The following INTS10 variants were observed in gnomAD, a reference collection of about 807,000 sequenced individuals.
The protein encoded by INTS10 is integrator complex subunit 10.
Under a neutral mutation model 94.4 loss-of-function variants are expected in INTS10, and 44 were observed. That is an observed-to-expected ratio of 0.47 (90% CI 0.37 to 0.60). INTS10 has a LOEUF of 0.60. INTS10 is among the 20% of genes least tolerant of loss of function. The pLI, the probability that INTS10 is intolerant of heterozygous loss-of-function variation, is 0.00. For synonymous variants in INTS10, 341 were observed against 320.7 expected (o/e 1.06, Z -0.68); for missense variants, 797 against 868.7 (o/e 0.92, Z 1.04).
chr8:19,845,602 G>C (rs923777031), intron 15 of INTS10, 102 bp from the exon 16 acceptor site: 6 of 764,866 alleles, frequency 7.8e-6, no homozygotes, highest in Non-Finnish European at 1.4e-5. Context: ...TTTTTTAGTG[G>C]GATGGCAATG....
At chr8:19,834,415 A>G (rs55896328) in intron 12 of INTS10, among the ~76,000 whole-genome samples, 11,586 of 152,286 alleles carry the variant, frequency 0.076, 457 homozygotes, top group South Asian at 0.11. Context: ...ACCATTATTT[A>G]TATAATTATC....
chr8:19,850,680 G>A (rs141469563), intron 16 of INTS10, among the ~76,000 whole-genome samples: 1 of 152,238 alleles, frequency 6.6e-6, no homozygotes, highest in African/African-American at 2.4e-5. Context: ...AGGCATCAGG[G>A]TGGGAAACAG....
At chr8:19,819,938 A>G (rs1319107685) in intron 3 of INTS10, among the ~76,000 whole-genome samples, 7 of 152,222 alleles carry the variant, frequency 4.6e-5, no homozygotes, top group Admixed American at 2.0e-4. Context: ...GATAGCAGCT[A>G]TAGATTAACC....
intron 16 of INTS10, among the ~76,000 whole-genome samples, chr8:19,850,981 G>A (rs2068982674): frequency 1.3e-5 from 2 of 152,130 alleles, no homozygotes; most frequent in Non-Finnish European, 2.9e-5. Context: ...CTGCCCCTCA[G>A]AGATTCTGCC....
chr8:19,820,231 A>C, intron 3 of INTS10, 148 bp from the exon 4 acceptor site: 1 of 619,442 alleles, frequency 1.6e-6, no homozygotes, highest in East Asian at 3.0e-5. Context: ...TGGCTCCAAA[A>C]GGCTGCCAGG....
chr8:19,817,490 C>G lies in INTS10; in HGVS notation c.-48C>G. ...TGCCGTGGCGGCTGAGAGTCCAGAGCCGGACGTTCCGGCCGCTTCGGGCTG... is the reference window on the plus strand; with the variant it reads ...TGCCGTGGCGGCTGAGAGTCCAGAGGCGGACGTTCCGGCCGCTTCGGGCTG... On this transcript the variant is annotated 5_prime_UTR_variant, in exon 1 of 17. Transcript: ENST00000397977. 6.3e-7 allele frequency: 1 copy of G among 1,582,148 alleles called. No individual in the cohort carries two copies. Among genetic ancestry groups the G allele is most frequent in the Non-Finnish European group, 8.6e-7 (1 of 1,167,164 alleles).
In INTS10 at chr8:19,842,894, A is replaced by C. The variant is rs183274189; in HGVS notation, c.1686A>C (p.Pro562=). 12 of 1,613,004 alleles carry C rather than the reference A, an allele frequency of 7.4e-6. No homozygotes were observed. Among genetic ancestry groups the C allele is most frequent in the African/African-American group, 2.7e-5 (2 of 75,034 alleles). The part of the protein sequence containing the change: ...LLPCTSKAIM[P]YCLHLMLACF... ...CTTGTACCAGCAAGGCTATCATGCC[A>C]TACTGCCTCCATTTAATGTTAGCCT... The change falls in exon 14 of 17, where the codon CCA becomes CCC. Residue 562 remains proline (P), a synonymous_variant. Transcript: ENST00000397977.
chr8:19,831,042 A>C (rs1225432312), intron 10 of INTS10, among the ~76,000 whole-genome samples: 2 of 152,158 alleles, frequency 1.3e-5, no homozygotes, highest in Non-Finnish European at 2.9e-5. Context: ...TAGGAAGCCT[A>C]TTTTCCTTTG....
rs1370555361 is a variant in INTS10, at chr8:19,849,390, A to C, written c.1977-2259A>C. 6.6e-6 allele frequency among the ~76,000 whole-genome samples: 1 copy of C among 152,122 alleles called. No homozygotes were observed. Among genetic ancestry groups the C allele is most frequent in the Non-Finnish European group, 1.5e-5 (1 of 68,004 alleles). ...CATTTTGGCAAACCATCTGGTTGTA[A>C]TATTGTAACATTTCTTATTTTTTTT... On this transcript the variant is annotated intron_variant, in intron 16 of 16. Transcript: ENST00000397977. The surrounding 1 kb of genome is among the most constrained non-coding windows in gnomAD (Gnocchi z 4.6).
intron 5 of INTS10, 98 bp downstream of exon 5, chr8:19,822,618 C>T: frequency 1.4e-6 from 1 of 703,516 alleles, no homozygotes; most frequent in South Asian, 1.9e-5. Flanking sequence ...GGCAAAGGAG[C>T]TTTATGTGTT....
At chr8:19,838,213 G>A (rs1447962954) in intron 13 of INTS10, among the ~76,000 whole-genome samples, 6 of 151,962 alleles carry the variant, frequency 3.9e-5, no homozygotes, top group Admixed American at 1.3e-4. Flanking sequence ...AAAATTACCC[G>A]GGTGTGGTGG....
intron 3 of INTS10, among the ~76,000 whole-genome samples, 167 bp downstream of exon 3, chr8:19,819,843 C>A (rs2066229506): frequency 6.6e-6 from 1 of 152,092 alleles, no homozygotes; most frequent in African/African-American, 2.4e-5. Flanking sequence ...TGCTTAGAAC[C>A]CTTTAAGCTT....
chr8:19,836,915 A>T, intron 12 of INTS10, 137 bp from the exon 13 acceptor site: 1 of 628,104 alleles, frequency 1.6e-6, no homozygotes, highest in Non-Finnish European at 2.9e-6. Context: ...AGCAATGGTA[A>T]TGATCACATA....
chr8:19,841,555 T>C (rs574439647), intron 13 of INTS10, among the ~76,000 whole-genome samples: 1 of 152,282 alleles, frequency 6.6e-6, no homozygotes, highest in South Asian at 2.1e-4. Flanking sequence ...CAAAAACTAT[T>C]TGGAAAGATT....
At chr8:19,829,445 G>A (rs888389296) in intron 9 of INTS10, among the ~76,000 whole-genome samples, 1 of 151,024 alleles carries the variant, frequency 6.6e-6, no homozygotes, top group African/African-American at 2.4e-5. Flanking sequence ...TCTCTTTTCT[G>A]TGGGCTTTAT....
Position 19,849,205 on chromosome 8 carries a change from C to A in INTS10, c.1977-2444C>A. On this transcript the variant is annotated intron_variant, in intron 16 of 16. Coordinates refer to ENST00000397977, the MANE Select transcript of INTS10 (RefSeq NM_018142.4). This position sits in a 1 kb window ranked among gnomAD's most constrained non-coding sequence, Gnocchi z 4.6. ...GGGGTTACTGCAGCAGGAATTCTTA[C>A]CTGTGCTTCAGCCCAGCATACAGAC... is the stretch of plus-strand genomic sequence containing the variant. 3 of 1,289,656 alleles carry A rather than the reference C, an allele frequency of 2.3e-6. No individual in the cohort carries two copies. Among genetic ancestry groups the A allele is most frequent in the Non-Finnish European group, 3.0e-6 (3 of 988,760 alleles). 79.9% of individuals were successfully genotyped at this position (1,289,656 alleles called of 1,614,324 possible).
At chr8:19,818,726 TG>T (rs574683807) in intron 2 of INTS10, 179 of 189,190 alleles carry the variant, frequency 9.5e-4, no homozygotes, top group African/African-American at 4.1e-3. Flanking sequence ...AATAAGGTTT[TG>T]GGGGGAAGGG....
chr8:19,851,880 G>A lies in INTS10; in HGVS notation c.*75G>A, dbSNP rs1252441894. Reference sequence around the variant, plus strand: ...AAGACACTCAGCAGTGATTGCCATGGCACAGAGCCGTGGTCATTGTTGCTG... The same window carrying A: ...AAGACACTCAGCAGTGATTGCCATGACACAGAGCCGTGGTCATTGTTGCTG... On this transcript the variant is annotated 3_prime_UTR_variant, in exon 17 of 17. Coordinates refer to ENST00000397977, the MANE Select transcript of INTS10 (RefSeq NM_018142.4). This position sits in a 1 kb window ranked among gnomAD's most constrained non-coding sequence, Gnocchi z 5.0. 2 of 1,325,304 alleles carry A rather than the reference G, an allele frequency of 1.5e-6. No individual in the cohort carries two copies. The highest frequency in any genetic ancestry group is 2.1e-6 in the Non-Finnish European group (2 of 931,314). 82.1% of individuals were successfully genotyped at this position (1,325,304 alleles called of 1,614,324 possible).
At chr8:19,831,950 T>C in intron 10 of INTS10, 78 bp from the exon 11 acceptor site, 1 of 847,794 alleles carries the variant, frequency 1.2e-6, no homozygotes, top group Middle Eastern at 2.7e-4. Context: ...CTCTCTTCTC[T>C]CTTACTGGAT....
Sources: gnomAD v4.1 joint callset for allele counts (sites outside exome capture counted in the v4.1 genomes callset) on GRCh38, gnomAD v4.1.1 for gene constraint, Gnocchi (gnomAD v3.1) non-coding constraint, MANE v1.5 for transcripts, NCBI Gene and HGNC (gene_info 2026-07-23, HGNC 2026-07-21) for gene names.